GPHN: variants seen among roughly 807,000 people sequenced by gnomAD.
GPHN encodes gephyrin.
A neutral mutation model predicts 95.5 loss-of-function variants in GPHN; 17 were observed. The observed-to-expected ratio is 0.18, with a 90% CI of 0.12 to 0.27. GPHN has a LOEUF of 0.27. Ranked by LOEUF, GPHN falls within the 10% of genes least tolerant of loss-of-function variation. The pLI, the probability that GPHN is intolerant of heterozygous loss-of-function variation, is 1.00. For synonymous variants in GPHN, 320 were observed against 322.5 expected (o/e 0.99, Z 0.08); for missense variants, 660 against 978.1 (o/e 0.67, Z 4.34).
chr14:67,385,906 A>G, the GPHN span: 3 of 152,332 alleles, frequency 2.0e-5, 1 homozygote, highest in South Asian at 4.1e-4. Context: ...CTCAGCTGCC[A>G]TACTTCAGCC....
chr14:66,761,828 T>G (rs1489673118), intron 2 of GPHN, among the ~76,000 whole-genome samples: 1 of 152,018 alleles, frequency 6.6e-6, no homozygotes, highest in Non-Finnish European at 1.5e-5. Context: ...CCCAGCTAAT[T>G]TCTTTGTATT....
At chr14:66,720,126 A>C (rs903797393) in intron 2 of GPHN, among the ~76,000 whole-genome samples, 2 of 152,208 alleles carry the variant, frequency 1.3e-5, no homozygotes, top group Admixed American at 1.3e-4. Context: ...TAAATTTTAT[A>C]ATTATGAATA....
chr14:67,179,564 A>C lies in GPHN; in HGVS notation c.2080-14A>C. ...GGTGACCAAGTTTGTTTTCTTTTCT[A>C]CTTTATTCTGTAGTTATCATGTGAT... On this transcript the variant is annotated splice_polypyrimidine_tract_variant and intron_variant, in intron 21 of 22. Coordinates refer to ENST00000478722, the MANE Select transcript of GPHN (RefSeq NM_020806.5). The C allele has an allele frequency of 6.7e-7, 1 of 1,485,412 alleles. No individual in the cohort carries two copies. Among genetic ancestry groups the C allele is most frequent in the Non-Finnish European group, 9.4e-7 (1 of 1,062,878 alleles). The allele number at this position is 1,485,412 out of a possible 1,614,324, so 92.0% of individuals were successfully genotyped here.
the GPHN span, among the ~76,000 whole-genome samples, chr14:67,262,134 C>T: frequency 2.0e-5 from 3 of 152,050 alleles, no homozygotes; most frequent in Non-Finnish European, 1.5e-5. Flanking sequence ...ACCTGTCTAC[C>T]TTTCAGGGCA....
chr14:67,171,374 G>GA lies in GPHN; in HGVS notation c.2079+2349dup, dbSNP rs111769551. On this transcript the variant is annotated intron_variant, in intron 21 of 22. Coordinates refer to ENST00000478722, the MANE Select transcript of GPHN (RefSeq NM_020806.5). ...AAACACTTCCAAAGCATCTGGTAAA[G>GA]AAAAAAAAAAAGAAAAAGAAAAAGA... Among the ~76,000 whole-genome samples, 335 of 133,522 alleles carry GA rather than the reference G, an allele frequency of 2.5e-3. 5 individuals are homozygous for GA. Among genetic ancestry groups the GA allele is most frequent in the Non-Finnish European group, 4.1e-3 (250 of 61,032 alleles). 87.6% of individuals were successfully genotyped at this position (133,522 alleles called of 152,430 possible).
At chr14:67,647,071 A>G in the GPHN span, 34 of 1,197,410 alleles carry the variant, frequency 2.8e-5, no homozygotes, top group African/African-American at 4.2e-4. Flanking sequence ...AATGGGCAAC[A>G]CACTTTTAGC....
chr14:66,727,669 G>A (rs562007535), intron 2 of GPHN, among the ~76,000 whole-genome samples: 1 of 152,198 alleles, frequency 6.6e-6, no homozygotes, highest in East Asian at 1.9e-4. Context: ...AGATGATTAG[G>A]GTATCTGGCA....
intron 1 of GPHN, among the ~76,000 whole-genome samples, chr14:66,645,038 A>G (rs2064656603): frequency 6.6e-6 from 1 of 152,118 alleles, no homozygotes; most frequent in African/African-American, 2.4e-5. Context: ...TTCATGGGCC[A>G]TCCTAAAGGA....
the GPHN span, among the ~76,000 whole-genome samples, chr14:67,537,814 C>T: frequency 1.3e-5 from 2 of 152,224 alleles, no homozygotes; most frequent in Non-Finnish European, 2.9e-5. Context: ...GTGCCACCTT[C>T]CCACCCATCC....
chr14:66,924,786 T>C (rs142182237), intron 8 of GPHN, among the ~76,000 whole-genome samples: 1 of 152,232 alleles, frequency 6.6e-6, no homozygotes, highest in African/African-American at 2.4e-5. Flanking sequence ...TGAATTTTGA[T>C]ATAAATTCTG....
intron 9 of GPHN, among the ~76,000 whole-genome samples, chr14:67,015,695 C>T (rs1011970419): frequency 2.6e-5 from 4 of 151,694 alleles, no homozygotes; most frequent in East Asian, 1.9e-4. Context: ...GACTCCATTT[C>T]GGGGAAAAAA....
intron 16 of GPHN, among the ~76,000 whole-genome samples, chr14:67,120,876 TC>T (rs894208122): frequency 1.3e-5 from 2 of 152,178 alleles, no homozygotes; most frequent in African/African-American, 4.8e-5. Context: ...AAGGGAAGAC[TC>T]CCTGGTGACA....
chr14:66,621,966 A>G (rs2063325405), intron 1 of GPHN, among the ~76,000 whole-genome samples: 1 of 152,082 alleles, frequency 6.6e-6, no homozygotes, highest in Admixed American at 6.6e-5. Flanking sequence ...CCTTTCTCAC[A>G]GTTCCACTAG....
At chr14:66,858,497 T>C (rs1483871989) in intron 4 of GPHN, among the ~76,000 whole-genome samples, 17 of 151,300 alleles carry the variant, frequency 1.1e-4, no homozygotes, top group Admixed American at 9.9e-4. Flanking sequence ...AGACCTTGGA[T>C]CCTCCAAGGT....
At chr14:67,043,771 ATTG>A (rs1177296992) in intron 10 of GPHN, among the ~76,000 whole-genome samples, 69 of 151,964 alleles carry the variant, frequency 4.5e-4, no homozygotes, top group Middle Eastern at 3.4e-3. Flanking sequence ...CTCTTTTTCT[ATTG>A]TTTAGAATAG....
chr14:67,478,603 T>C, the GPHN span, among the ~76,000 whole-genome samples: 1 of 152,178 alleles, frequency 6.6e-6, no homozygotes, highest in South Asian at 2.1e-4. Flanking sequence ...ACAGAGTAAA[T>C]AAAGCTCAAA....
At chr14:66,988,655 C>T in intron 9 of GPHN, among the ~76,000 whole-genome samples, 1 of 152,032 alleles carries the variant, frequency 6.6e-6, no homozygotes, top group East Asian at 1.9e-4. Context: ...ATACCCAAGA[C>T]AACCATTGAA....
intron 9 of GPHN, among the ~76,000 whole-genome samples, chr14:67,008,431 G>A (rs976340433): frequency 2.6e-5 from 4 of 150,970 alleles, no homozygotes; most frequent in Admixed American, 6.6e-5. Context: ...ACTCCAGCAG[G>A]TGACAGAGTG....
At chr14:67,047,369 T>TG (rs1203575449) in intron 10 of GPHN, among the ~76,000 whole-genome samples, 14 of 101,270 alleles carry the variant, frequency 1.4e-4, no homozygotes, top group Admixed American at 1.9e-4. Context: ...TGTGTTTGTT[T>TG]TTTTTTTTTT....
Sources: allele counts gnomAD v4.1 joint callset (sites outside exome capture counted in the v4.1 genomes callset), GRCh38; gene constraint gnomAD v4.1.1; transcripts MANE v1.5; gene names NCBI Gene and HGNC (gene_info 2026-07-23, HGNC 2026-07-21).